HSPG2: variants seen among roughly 807,000 people sequenced by gnomAD.
The protein encoded by HSPG2 is heparan sulfate proteoglycan 2.
In HSPG2, 278 loss-of-function variants were observed where a neutral mutation model predicts 526.6. The observed-to-expected ratio is 0.53, with a 90% CI of 0.48 to 0.58. The LOEUF is 0.58. Among genes scored for constraint, HSPG2 ranks in the 20% least tolerant of loss-of-function variants. The pLI is 0.00. For synonymous variants in HSPG2, 2,465 were observed against 2,555.4 expected (o/e 0.96, Z 1.07); for missense variants, 5,354 against 6,099.5 (o/e 0.88, Z 4.07).
chr1:21,891,976 T>A (rs139744543), intron 3 of HSPG2, among the ~76,000 whole-genome samples: 219 of 152,368 alleles, frequency 1.4e-3, no homozygotes, highest in Non-Finnish European at 2.6e-3. Context: ...TATGAATGAA[T>A]AAGAGTGACA....
rs975523554 is a variant in HSPG2 at position 21,858,987 on chromosome 1, G to A, written c.5293+579C>T. 2.6e-5 allele frequency among the ~76,000 whole-genome samples: 4 copies of A among 151,848 alleles called. No homozygotes were observed. The highest frequency in any genetic ancestry group is 4.8e-5 in the African/African-American group (2 of 41,302). Reference sequence around the variant, plus strand: ...GCTTGGTGACACAGCCTTTATGGACGCCCTCCCATCCCTGTCTCACTTTTC... The same window carrying A: ...GCTTGGTGACACAGCCTTTATGGACACCCTCCCATCCCTGTCTCACTTTTC... On this transcript the variant is annotated intron_variant, in intron 42 of 96. Transcript: ENST00000374695. The surrounding 1 kb of genome is among the most constrained non-coding windows in gnomAD (Gnocchi z 4.2).
intron 1 of HSPG2, among the ~76,000 whole-genome samples, chr1:21,934,077 C>T (rs749181892): frequency 6.6e-6 from 1 of 152,214 alleles, no homozygotes; most frequent in African/African-American, 2.4e-5. Context: ...TGCCGAGTCA[C>T]CCAGGCCCAG....
At chr1:21,825,564 C>A (rs1293761684) in intron 91 of HSPG2, among the ~76,000 whole-genome samples, 1 of 152,140 alleles carries the variant, frequency 6.6e-6, no homozygotes, top group Admixed American at 6.5e-5. Flanking sequence ...CTGCTCATGA[C>A]CCATCCCACA....
chr1:21,824,545 G>T lies in HSPG2; in HGVS notation c.12736C>A (p.Gln4246Lys). The T allele has an allele frequency of 6.2e-7, 1 of 1,613,514 alleles. No individual in the cohort carries two copies. The highest frequency in any genetic ancestry group is 8.5e-7 in the Non-Finnish European group (1 of 1,179,992). Reference sequence around the variant, plus strand: ...CGGATACCCACACTCACCACACCCTGCCAGAGCAGGAGGCCACTGGCTGTG... The same window carrying T: ...CGGATACCCACACTCACCACACCCTTCCAGAGCAGGAGGCCACTGGCTGTG... ...TSTASGLLLW[Q>K]GVEVGEAGQG... The change falls in exon 93 of 97, where the codon CAG becomes AAG. Residue 4246 changes from glutamine to lysine, a missense_variant. Gln to Lys is a moderately conservative substitution (Grantham distance 53). Coordinates refer to ENST00000374695, the MANE Select transcript of HSPG2 (RefSeq NM_005529.7). This position sits in a 1 kb window ranked among gnomAD's most constrained non-coding sequence, Gnocchi z 5.9.
intron 74 of HSPG2, 47 bp from the exon 75 acceptor site, chr1:21,837,053 T>C (rs1342241912): frequency 6.7e-7 from 1 of 1,503,226 alleles, no homozygotes; most frequent in Non-Finnish European, 9.0e-7. Context: ...GTGTGTGATG[T>C]CCCTGATGCC....
At chr1:21,854,484 G>A (rs907740809) in intron 49 of HSPG2, 127 bp downstream of exon 49, 4 of 1,453,440 alleles carry the variant, frequency 2.8e-6, no homozygotes, top group Non-Finnish European at 3.7e-6. Context: ...GGAGGGAGAT[G>A]AGGCCTGGCT....
chr1:21,861,140 G>T (rs1639755998), intron 39 of HSPG2, among the ~76,000 whole-genome samples: 1 of 152,168 alleles, frequency 6.6e-6, no homozygotes, highest in Non-Finnish European at 1.5e-5. Context: ...CTTATTAGGT[G>T]GCAGACTCCG....
chr1:21,888,118 C>T (rs764915164), intron 6 of HSPG2, 52 bp from the exon 7 acceptor site: 69 of 1,609,472 alleles, frequency 4.3e-5, no homozygotes, highest in Middle Eastern at 1.9e-4. Context: ...GAGGCAGGTG[C>T]GGGAAGCTGT....
chr1:21,876,798 C>T, intron 21 of HSPG2, 146 bp from the exon 22 acceptor site: 2 of 1,068,626 alleles, frequency 1.9e-6, no homozygotes, highest in Non-Finnish European at 2.8e-6. Flanking sequence ...GTGGCTCACG[C>T]CTGTAATCCC....
Position 21,864,328 on chromosome 1 carries a change from C to A in HSPG2, c.4627-115G>T, listed in dbSNP as rs1287220557. The A allele has an allele frequency of 2.4e-6, 2 of 849,882 alleles. No homozygotes were observed. Among genetic ancestry groups the A allele is most frequent in the East Asian group, 5.3e-5 (2 of 37,586 alleles). 52.6% of individuals were successfully genotyped at this position (849,882 alleles called of 1,614,324 possible). A position where few individuals can be genotyped will look rare whatever the true frequency, so the allele number is the denominator to read the frequency against. On this transcript the variant is annotated intron_variant, in intron 36 of 96. Transcript: ENST00000374695. The surrounding 1 kb of genome is among the most constrained non-coding windows in gnomAD (Gnocchi z 4.8). The stretch of plus-strand genomic sequence containing the variant: ...AGGGGTGACCCTGGAACATCACAGG[C>A]CGGCGCCCCTCCTTCCCCACTTCTG...
Position 21,887,698 on chromosome 1 carries a change from T to C in HSPG2, c.704-24A>G, listed in dbSNP as rs1331089132. The C allele has an allele frequency of 6.2e-7, 1 of 1,613,836 alleles. No homozygotes were observed. The highest frequency in any genetic ancestry group is 1.1e-5 in the South Asian group (1 of 91,080). On this transcript the variant is annotated intron_variant, in intron 7 of 96. Transcript: ENST00000374695. This position sits in a 1 kb window ranked among gnomAD's most constrained non-coding sequence, Gnocchi z 5.0. ...CTCTGTGGATAGATTCCGCTTGGCA[T>C]TTGGCAGAAGCAGATGGCTCCTCAC...
Position 21,851,547 on chromosome 1 carries a change from T to G in HSPG2, c.7157A>C (p.Gln2386Pro), listed in dbSNP as rs556129026. ...KRGGSLPVRH[Q>P]THGSLLRLYQ... ...CCTGTCTGTCCTCCAGTCCCATACC[T>G]GGTGCCGGACAGGGAGGCTGCCCCC... is the stretch of plus-strand genomic sequence containing the variant. Residue 2386 changes from glutamine (Q) to proline (P), a missense_variant and splice_region_variant, in exon 55 of 97, where the codon CAG becomes CCG. Transcript: ENST00000374695. 3 of 1,613,902 alleles carry G rather than the reference T, an allele frequency of 1.9e-6. No homozygotes were observed. In the South Asian group the frequency reaches 3.3e-5, roughly 18 times the overall value.
At position 21,828,420 on chromosome 1, in the gene HSPG2, C is replaced by G; in HGVS notation, c.12244G>C (p.Val4082Leu). The change falls in exon 89 of 97, where the codon GTG (valine) becomes CTG (leucine). Residue 4082 changes from valine (V) to leucine (L), a missense_variant. Coordinates refer to ENST00000374695, the MANE Select transcript of HSPG2 (RefSeq NM_005529.7). This position sits in a 1 kb window ranked among gnomAD's most constrained non-coding sequence, Gnocchi z 6.0. ...HFRGCVGEVS[V>L]NGKRLDLTYS... The stretch of plus-strand genomic sequence containing the variant: ...GTGAGGTCCAGCCGTTTGCCATTCA[C>G]TGACACCTGTGGGGACAGGGACACC... The G allele has an allele frequency of 6.2e-7, 1 of 1,613,388 alleles. No homozygotes were observed. Among genetic ancestry groups the G allele is most frequent in the Middle Eastern group, 1.6e-4 (1 of 6,062 alleles).
chr1:21,897,279 C>T (rs556171794), intron 1 of HSPG2, among the ~76,000 whole-genome samples: 1 of 152,340 alleles, frequency 6.6e-6, no homozygotes, highest in Non-Finnish European at 1.5e-5. Flanking sequence ...CAAGTATGCA[C>T]AGACTGGCAA....
At position 21,834,732 on chromosome 1, in the gene HSPG2, G is replaced by A; in HGVS notation, c.10667C>T (p.Thr3556Ile). 1 of 1,614,190 alleles carries A rather than the reference G, an allele frequency of 6.2e-7. No homozygotes were observed. Among genetic ancestry groups the A allele is most frequent in the Non-Finnish European group, 8.5e-7 (1 of 1,180,026 alleles). ...TGTGGTGCCAGCTGCGTTGGTGGCA[G>A]TGCAGCGATACTGTCCCGCATCAGC... is the stretch of plus-strand genomic sequence containing the variant. ...ELADAGQYRC[T>I]ATNAAGTTQS... is the part of the protein sequence containing the mutation. Residue 3556 changes from threonine to isoleucine, a missense_variant, in exon 77 of 97, where the codon ACT becomes ATT. Coordinates refer to ENST00000374695, the MANE Select transcript of HSPG2 (RefSeq NM_005529.7).
At chr1:21,920,215 T>A (rs970409258) in intron 1 of HSPG2, among the ~76,000 whole-genome samples, 22 of 152,128 alleles carry the variant, frequency 1.4e-4, no homozygotes, top group African/African-American at 4.6e-4. Context: ...CTGGAACTGT[T>A]TTTCCACTGC....
At chr1:21,846,620 G>A in intron 62 of HSPG2, 21 bp from the exon 63 acceptor site, 4 of 1,613,326 alleles carry the variant, frequency 2.5e-6, no homozygotes, top group Non-Finnish European at 3.4e-6. Context: ...AGAGATCAGT[G>A]AGTCGGCACA....
In HSPG2 at chr1:21,838,940, G is replaced by A. The variant is rs1412457301; in HGVS notation, c.10035C>T (p.Ala3345=). The change falls in exon 74 of 97, where the codon GCC becomes GCT. Residue 3345 remains alanine (A), a synonymous_variant. Transcript: ENST00000374695. ...GCTCAAAGTGCAGCAGCTCGTTCCT[G>A]GCGGTCGCCCTCCCAGGAAGGCTGC... The part of the protein sequence containing the change: ...VGSSLPGRAT[A]RNELLHFERA... 3.1e-6 allele frequency: 5 copies of A among 1,612,380 alleles called. No homozygotes were observed. The highest frequency in any genetic ancestry group is 1.3e-5 in the African/African-American group (1 of 74,928).
chr1:21,869,371 G>A, intron 33 of HSPG2: 1 of 790,314 alleles, frequency 1.3e-6, no homozygotes, highest in Non-Finnish European at 1.5e-6. Context: ...AATAGTCCAA[G>A]TAGTTCACAG....
Sources: gnomAD v4.1 joint callset for allele counts (sites outside exome capture counted in the v4.1 genomes callset) on GRCh38, gnomAD v4.1.1 for gene constraint, Gnocchi (gnomAD v3.1) non-coding constraint, MANE v1.5 for transcripts, NCBI Gene and HGNC (gene_info 2026-07-23, HGNC 2026-07-21) for gene names.